XDH: variants seen among roughly 807,000 people sequenced by gnomAD.
XDH encodes xanthine dehydrogenase/oxidase.
XDH carries 138 observed loss-of-function variants against 156.1 expected under a neutral mutation model. The observed-to-expected ratio is 0.88, with a 90% CI of 0.77 to 1.02. The LOEUF (loss-of-function observed/expected upper bound fraction) is 1.02, where lower values mean the gene tolerates loss of function less well. Among genes scored for constraint, XDH ranks in the 50% least tolerant of loss-of-function variants. The probability of loss-of-function intolerance (pLI) is 0.00; values close to 1 mark genes in which losing one functional copy is unlikely to be tolerated. For synonymous variants in XDH, 669 were observed against 625.7 expected, an observed-to-expected ratio of 1.07 and a Z score of -1.03; for missense variants, 1,849 against 1,684.9, an observed-to-expected ratio of 1.10 and a Z score of -1.71.
intron 16 of XDH, 125 bp from the exon 17 acceptor site, chr2:31,372,522 C>T: frequency 7.5e-7 from 1 of 1,328,338 alleles, no homozygotes; most frequent in Non-Finnish European, 1.1e-6. Flanking sequence ...ATAAAGAATT[C>T]AGAGGGGCGT....
intron 8 of XDH, 70 bp downstream of exon 8, chr2:31,387,741 G>A (rs1237236122): frequency 4.3e-6 from 6 of 1,405,888 alleles, no homozygotes; most frequent in African/African-American, 2.9e-5. Context: ...CAGTGGGTAT[G>A]AAAATAAAGC....
chr2:31,400,305 C>T (rs1687021845), intron 4 of XDH, among the ~76,000 whole-genome samples: 1 of 146,074 alleles, frequency 6.8e-6, no homozygotes, highest in African/African-American at 2.6e-5. Flanking sequence ...GTGGCACGAT[C>T]TCGGCTCACT....
At position 31,347,515 on chromosome 2, in the gene XDH, T is replaced by C. The variant is rs1311125625; in HGVS notation, c.3276+7A>G. 2 of 1,613,468 alleles carry C rather than the reference T, an allele frequency of 1.2e-6. No homozygotes were observed. Among genetic ancestry groups the C allele is most frequent in the Non-Finnish European group, 8.5e-7 (1 of 1,179,972 alleles). ...CTCTGCTCTGCGGGATCCCATGGGC[T>C]CCTTACATAGACGGCCTGTCCATTG... On this transcript the variant is annotated splice_region_variant and intron_variant, in intron 29 of 35. Transcript: ENST00000379416.
intron 24 of XDH, among the ~76,000 whole-genome samples, chr2:31,358,179 A>T (rs1181754411): frequency 6.6e-6 from 1 of 152,160 alleles, no homozygotes; most frequent in Non-Finnish European, 1.5e-5. Flanking sequence ...AAAATTGACC[A>T]CATAGTTGGA....
chr2:31,413,324 G>A (rs538644190), intron 1 of XDH, among the ~76,000 whole-genome samples: 10 of 152,306 alleles, frequency 6.6e-5, no homozygotes, highest in Admixed American at 5.2e-4. Flanking sequence ...TTGAAATGCT[G>A]GATGCAAAAT....
At position 31,375,571 on chromosome 2, in the gene XDH, C is replaced by T. The variant is rs749763831; in HGVS notation, c.1428-17G>A. ...TTCCAGAGCCTGCCAGAGAGCAGGG[C>T]GTGGGACAGCGCTCCCGCCCAGCCC... On this transcript the variant is annotated splice_polypyrimidine_tract_variant and intron_variant, in intron 14 of 35. Coordinates refer to ENST00000379416, the MANE Select transcript of XDH (RefSeq NM_000379.4). 3.7e-6 allele frequency: 6 copies of T among 1,611,510 alleles called. No individual in the cohort carries two copies. Among genetic ancestry groups the T allele is most frequent in the African/African-American group, 1.3e-5 (1 of 74,986 alleles).
intron 14 of XDH, among the ~76,000 whole-genome samples, chr2:31,376,760 TATTA>T (rs1686255323): frequency 1.4e-5 from 2 of 141,054 alleles, no homozygotes; most frequent in African/African-American, 2.8e-5. Flanking sequence ...GCAATCATAA[TATTA>T]ATTATAGTTG....
At chr2:31,341,829 A>C (rs1402140398) in intron 32 of XDH, among the ~76,000 whole-genome samples, 1 of 152,214 alleles carries the variant, frequency 6.6e-6, no homozygotes, top group Non-Finnish European at 1.5e-5. Context: ...AACTGGAAAA[A>C]TAAAAAGAAG....
intron 23 of XDH, among the ~76,000 whole-genome samples, chr2:31,365,048 T>C (rs1425526000): frequency 6.6e-6 from 1 of 152,224 alleles, no homozygotes; most frequent in Non-Finnish European, 1.5e-5. Flanking sequence ...TCCTAACATC[T>C]TGGGCCTGTC....
rs45447191 is a variant in XDH, at chr2:31,398,609, C to T, written c.397G>A (p.Glu133Lys). ...SMYTLLRNQP[E>K]PTMEEIENAF... ...TTCTCAATCTCCTCCATGGTGGGCT[C>T]GGGCTGATTCCGGAGCAGTGTGTAC... The change falls in exon 5 of 36, where the codon GAG becomes AAG. Residue 133 changes from glutamate (E) to lysine (K), a missense_variant. Physicochemically the swap from Glu to Lys is moderately conservative, Grantham distance 56. Transcript: ENST00000379416. 6.8e-4 allele frequency: 1,091 copies of T among 1,614,108 alleles called. 6 individuals carry two copies. In the African/African-American group the frequency reaches 0.012, roughly 17 times the overall value.
At chr2:31,345,263 A>C (rs1039971829) in intron 30 of XDH, among the ~76,000 whole-genome samples, 1 of 152,064 alleles carries the variant, frequency 6.6e-6, no homozygotes, top group Non-Finnish European at 1.5e-5. Flanking sequence ...CTTGCCCTCC[A>C]TTCTCCCCTC....
chr2:31,350,880 T>C (rs975485462), intron 24 of XDH, among the ~76,000 whole-genome samples: 1 of 152,256 alleles, frequency 6.6e-6, no homozygotes, highest in African/African-American at 2.4e-5. Flanking sequence ...CCCATACTTC[T>C]GTAAGTCATG....
intron 24 of XDH, 27 bp downstream of exon 24, chr2:31,364,131 G>T: frequency 6.2e-7 from 1 of 1,611,182 alleles, no homozygotes; most frequent in Non-Finnish European, 8.5e-7. Flanking sequence ...AGCTCTGGGT[G>T]CAGGGGCGGC....
rs941487864 is a variant in XDH, at chr2:31,344,563, G to C, written c.3404+121C>G. 8 of 1,138,688 alleles carry C rather than the reference G, an allele frequency of 7.0e-6. No individual in the cohort carries two copies. In the African/African-American group the frequency reaches 1.1e-4, roughly 15 times the overall value. The allele number at this position is 1,138,688 out of a possible 1,614,324, so 70.5% of individuals were successfully genotyped here. A position where few individuals can be genotyped will look rare whatever the true frequency, so the allele number is the denominator to read the frequency against. On this transcript the variant is annotated intron_variant, in intron 31 of 35. Coordinates refer to ENST00000379416, the MANE Select transcript of XDH (RefSeq NM_000379.4). ...AGACTGAAATTAGCGGAAGTCTGTT[G>C]AAGAGATAAGTGGAGCTGCTCTCTC...
intron 1 of XDH, among the ~76,000 whole-genome samples, chr2:31,407,555 G>T (rs887385989): frequency 1.3e-5 from 2 of 152,154 alleles, no homozygotes; most frequent in Non-Finnish European, 2.9e-5. Context: ...AGACATGCAT[G>T]CAAATATTCC....
At chr2:31,370,550 C>A (rs1686045061) in intron 17 of XDH, 72 bp from the exon 18 acceptor site, 2 of 1,594,118 alleles carry the variant, frequency 1.3e-6, no homozygotes, top group East Asian at 2.3e-5. Flanking sequence ...GGTTGGACAA[C>A]CCTGTTCTTA....
In XDH at chr2:31,371,671, C is replaced by CTT. The variant is rs58914810; in HGVS notation, c.1856+555_1856+556dup. Among the ~76,000 whole-genome samples the CTT allele has an allele frequency of 2.9e-3, 433 of 149,818 alleles. 2 individuals are homozygous for CTT. The highest frequency in any genetic ancestry group is 0.01 in the African/African-American group (416 of 41,034). ...GCTGCCAACCATGGGAACTTAAACA[C>CTT]TTTTTTTTTTGTTTTCAGGGACCTG... On this transcript the variant is annotated intron_variant, in intron 17 of 35. Transcript: ENST00000379416.
chr2:31,388,201 T>G, intron 7 of XDH, 26 bp downstream of exon 7: 1 of 1,610,876 alleles, frequency 6.2e-7, no homozygotes, highest in Non-Finnish European at 8.5e-7. Context: ...ACCCCCAGGC[T>G]TCCAGGGGGA....
At chr2:31,373,806 C>T in intron 16 of XDH, 67 bp downstream of exon 16, 3 of 1,529,140 alleles carry the variant, frequency 2.0e-6, no homozygotes, top group Non-Finnish European at 2.7e-6. Context: ...AGCCGATGGT[C>T]AGCCACTAGC....
Sources: gnomAD v4.1 joint callset for allele counts (sites outside exome capture counted in the v4.1 genomes callset) on GRCh38, gnomAD v4.1.1 for gene constraint, MANE v1.5 for transcripts, NCBI Gene and HGNC (gene_info 2026-07-23, HGNC 2026-07-21) for gene names.